PTPRT: variants seen among roughly 807,000 people sequenced by gnomAD.
PTPRT encodes the protein protein tyrosine phosphatase receptor type T, also known as receptor-type tyrosine-protein phosphatase T.
In PTPRT, 56 loss-of-function variants were observed where a neutral mutation model predicts 176.8. The ratio of observed to expected loss-of-function variants is 0.32; its 90% confidence interval spans 0.26 to 0.40. PTPRT has a LOEUF of 0.40. PTPRT is among the 10% of genes least tolerant of loss of function. The pLI, the probability that PTPRT is intolerant of heterozygous loss-of-function variation, is 1.00. For synonymous variants in PTPRT, 783 were observed against 739.0 expected (o/e 1.06, Z -0.96); for missense variants, 1,540 against 1,908.2 (o/e 0.81, Z 3.60).
intron 7 of PTPRT, among the ~76,000 whole-genome samples, chr20:42,670,778 G>A (rs1441765341): frequency 6.6e-6 from 1 of 152,186 alleles, no homozygotes; most frequent in African/African-American, 2.4e-5. Flanking sequence ...TTGCTGGATT[G>A]TTGATTTGTG....
intron 7 of PTPRT, among the ~76,000 whole-genome samples, chr20:42,511,769 C>A (rs1383079570): frequency 6.6e-6 from 1 of 151,730 alleles, no homozygotes; most frequent in African/African-American, 2.4e-5. Context: ...TTGGCAAGGT[C>A]TATTTCCTTC....
At chr20:43,157,386 C>T (rs1276223310) in intron 1 of PTPRT, among the ~76,000 whole-genome samples, 1 of 151,968 alleles carries the variant, frequency 6.6e-6, no homozygotes, top group East Asian at 1.9e-4. Context: ...GATACAAATC[C>T]CTGCCCTCTT....
At chr20:42,205,658 G>A (rs2055437600) in intron 15 of PTPRT, among the ~76,000 whole-genome samples, 1 of 152,034 alleles carries the variant, frequency 6.6e-6, no homozygotes, top group African/African-American at 2.4e-5. Flanking sequence ...CTGAATGTGG[G>A]AGCCATGCCC....
At chr20:42,144,673 G>A (rs943539209) in intron 17 of PTPRT, among the ~76,000 whole-genome samples, 6 of 152,138 alleles carry the variant, frequency 3.9e-5, no homozygotes, top group African/African-American at 1.4e-4. Context: ...ACCATGTTTT[G>A]ATTACTCTCT....
At chr20:42,355,630 A>G (rs1182402789) in intron 9 of PTPRT, among the ~76,000 whole-genome samples, 2 of 152,186 alleles carry the variant, frequency 1.3e-5, no homozygotes, top group South Asian at 2.1e-4. Flanking sequence ...AGTTTTCAGC[A>G]TGCAGGTGGA....
At chr20:43,000,112 C>T (rs1466006576) in intron 1 of PTPRT, among the ~76,000 whole-genome samples, 1 of 147,684 alleles carries the variant, frequency 6.8e-6, no homozygotes, top group Non-Finnish European at 1.5e-5. Flanking sequence ...TAAAAACCTG[C>T]CAAAGGAAAA....
intron 15 of PTPRT, 41 bp from the exon 16 acceptor site, chr20:42,199,429 G>A (rs1293426041): frequency 2.5e-6 from 4 of 1,601,306 alleles, no homozygotes; most frequent in Middle Eastern, 3.3e-4. Context: ...CAGTCAGATG[G>A]TGCCAGTTGC....
At chr20:43,062,807 A>G (rs1987527346) in intron 1 of PTPRT, among the ~76,000 whole-genome samples, 1 of 152,192 alleles carries the variant, frequency 6.6e-6, no homozygotes, top group Admixed American at 6.5e-5. Context: ...ATTGTTACAC[A>G]GGGTGTAATT....
chr20:42,477,686 C>T (rs2071314781), intron 7 of PTPRT, among the ~76,000 whole-genome samples: 1 of 152,178 alleles, frequency 6.6e-6, no homozygotes, highest in African/African-American at 2.4e-5. Context: ...TGGTTTCTGC[C>T]TCCAGATAAA....
intron 1 of PTPRT, among the ~76,000 whole-genome samples, chr20:43,017,303 G>A (rs1056548179): frequency 6.6e-6 from 1 of 152,106 alleles, no homozygotes; most frequent in African/African-American, 2.4e-5. Flanking sequence ...TGCTGCCTGT[G>A]TTTGGGCCCT....
At chr20:42,547,359 T>C (rs1338402636) in intron 7 of PTPRT, among the ~76,000 whole-genome samples, 2 of 152,012 alleles carry the variant, frequency 1.3e-5, no homozygotes, top group Admixed American at 6.6e-5. Flanking sequence ...CTGAGTGACA[T>C]AAACTTTCTA....
chr20:42,598,589 C>T (rs2073718001), intron 7 of PTPRT, among the ~76,000 whole-genome samples: 1 of 152,096 alleles, frequency 6.6e-6, no homozygotes, highest in African/African-American at 2.4e-5. Context: ...TCTATTTTAG[C>T]TGTTTTCTGC....
In PTPRT at chr20:42,489,381, C is replaced by T. The variant is rs190334549; in HGVS notation, c.1154-16819G>A. ...GTTTTAAAGCCCAAGTGTAATTGGC[C>T]CATTTCACTTTCCCCTGTTGACCTA... On this transcript the variant is annotated intron_variant, in intron 7 of 30. Coordinates refer to ENST00000373187, the MANE Select transcript of PTPRT (RefSeq NM_007050.6). Among the ~76,000 whole-genome samples the T allele has an allele frequency of 1.1e-3, 165 of 152,138 alleles. 2 individuals carry two copies. The highest frequency in any genetic ancestry group is 1.0e-4 in the Non-Finnish European group (7 of 67,994).
At chr20:42,312,183 A>C (rs2057643776) in intron 12 of PTPRT, among the ~76,000 whole-genome samples, 1 of 152,110 alleles carries the variant, frequency 6.6e-6, no homozygotes, top group South Asian at 2.1e-4. Flanking sequence ...TCAATTCTTG[A>C]TTTCTTTATT....
At chr20:42,102,594 C>T (rs1057435226) in intron 25 of PTPRT, among the ~76,000 whole-genome samples, 6 of 152,142 alleles carry the variant, frequency 3.9e-5, no homozygotes, top group Admixed American at 2.6e-4. Flanking sequence ...TGAACTAAGT[C>T]GTTCAGCTCA....
At chr20:42,432,345 C>T (rs1473796996) in intron 9 of PTPRT, among the ~76,000 whole-genome samples, 6 of 152,222 alleles carry the variant, frequency 3.9e-5, no homozygotes, top group African/African-American at 1.4e-4. Flanking sequence ...TAGGCTGATC[C>T]TCAGAGACCT....
intron 2 of PTPRT, among the ~76,000 whole-genome samples, chr20:42,836,218 C>T (rs1369278735): frequency 1.3e-5 from 2 of 152,138 alleles, no homozygotes; most frequent in African/African-American, 2.4e-5. Context: ...CTCTCCCCGC[C>T]TCCCACATAG....
intron 9 of PTPRT, among the ~76,000 whole-genome samples, chr20:42,443,799 C>T (rs1158222260): frequency 1.3e-5 from 2 of 152,202 alleles, no homozygotes; most frequent in Non-Finnish European, 2.9e-5. Flanking sequence ...GCTGGGCTAG[C>T]AGCAGTAAAG....
chr20:42,329,186 T>C (rs2057928618), intron 11 of PTPRT, among the ~76,000 whole-genome samples: 2 of 152,206 alleles, frequency 1.3e-5, no homozygotes, highest in Admixed American at 1.3e-4. Context: ...CCTCTTTCAG[T>C]GTGGAAAAGC....
Sources: gnomAD v4.1 joint callset for allele counts (sites outside exome capture counted in the v4.1 genomes callset) on GRCh38, gnomAD v4.1.1 for gene constraint, MANE v1.5 for transcripts, NCBI Gene and HGNC (gene_info 2026-07-23, HGNC 2026-07-21) for gene names.